CFAP47: variants seen among roughly 807,000 people sequenced by gnomAD.
CFAP47 encodes the protein cilia- and flagella-associated protein 47.
CFAP47 carries 29 observed loss-of-function variants against 148.1 expected under a neutral mutation model. The ratio of observed to expected loss-of-function variants is 0.20; its 90% confidence interval spans 0.15 to 0.27. CFAP47 has a LOEUF of 0.27. Ranked by LOEUF, CFAP47 falls within the 10% of genes least tolerant of loss-of-function variation. CFAP47 has a pLI of 1.00. For missense variants in CFAP47, 1,872 were observed against 1,697.5 expected, an observed-to-expected ratio of 1.10 and a Z score of -1.81; for synonymous variants, 664 against 577.3, an observed-to-expected ratio of 1.15 and a Z score of -2.15.
intron 49 of CFAP47, among the ~76,000 whole-genome samples, chrX:36,271,593 A>G (rs1436218028): frequency 3.6e-5 from 4 of 111,937 alleles, no homozygotes; most frequent in African/African-American, 1.3e-4. Flanking sequence ...ATGAAAATGC[A>G]TATTATGAAA....
intron 8 of CFAP47, among the ~76,000 whole-genome samples, chrX:35,962,997 TA>T (rs1419069974): frequency 2.9e-5 from 3 of 104,526 alleles, no homozygotes; most frequent in East Asian, 6.1e-4. Context: ...TATACAGCCT[TA>T]AAAAAATAAG....
chrX:36,267,860 T>G (rs1477770742), intron 49 of CFAP47, among the ~76,000 whole-genome samples: 1 of 112,483 alleles, frequency 8.9e-6, no homozygotes, highest in Admixed American at 9.3e-5. Context: ...ATATTTGGTA[T>G]TATTGGATGC....
intron 45 of CFAP47, among the ~76,000 whole-genome samples, chrX:36,215,124 G>C (rs1026482256): frequency 6.3e-5 from 7 of 111,132 alleles, no homozygotes; most frequent in African/African-American, 2.0e-4. Context: ...TCACTAGGCA[G>C]TAGGAATTCT....
At chrX:36,194,269 C>T (rs1555986932) in intron 42 of CFAP47, among the ~76,000 whole-genome samples, 1 of 111,446 alleles carries the variant, frequency 9.0e-6, no homozygotes, top group Non-Finnish European at 1.9e-5. Flanking sequence ...AAGGGACTCA[C>T]ATTCCAGTTG....
intron 21 of CFAP47, among the ~76,000 whole-genome samples, chrX:36,005,957 G>A (rs1936977793): frequency 9.1e-6 from 1 of 110,241 alleles, no homozygotes; most frequent in African/African-American, 3.3e-5. Flanking sequence ...AAACCTAAAT[G>A]TTCTGCAGTA....
intron 2 of CFAP47, among the ~76,000 whole-genome samples, chrX:35,930,356 AT>A (rs1935808586): frequency 9.0e-6 from 1 of 110,706 alleles, no homozygotes; most frequent in East Asian, 2.8e-4. Flanking sequence ...ATTAGGGATT[AT>A]TGTGTCCCAG....
intron 29 of CFAP47, among the ~76,000 whole-genome samples, chrX:36,081,136 T>C (rs993822002): frequency 8.1e-5 from 9 of 110,990 alleles, no homozygotes; most frequent in Middle Eastern, 4.2e-3. Context: ...AATATACAAA[T>C]AAGCACAATC....
chrX:36,329,690 T>G (rs1941548527), intron 57 of CFAP47, among the ~76,000 whole-genome samples: 1 of 112,056 alleles, frequency 8.9e-6, no homozygotes, highest in Non-Finnish European at 1.9e-5. Flanking sequence ...AAAAATCTAT[T>G]GCATAGTATA....
chrX:36,275,263 G>A (rs4129860), intron 49 of CFAP47, among the ~76,000 whole-genome samples: 11,618 of 108,463 alleles, frequency 0.11, 873 homozygotes, highest in African/African-American at 0.25. Flanking sequence ...TTGTAGGAAC[G>A]GGATTTTGCC....
chrX:36,261,655 A>G (rs5927474), intron 49 of CFAP47, among the ~76,000 whole-genome samples: 27 of 110,369 alleles, frequency 2.4e-4, no homozygotes, highest in Non-Finnish European at 4.7e-4. Context: ...AAGGTCATAG[A>G]TCAACAGCAT....
At chrX:36,178,073 A>T (rs1220009762) in intron 39 of CFAP47, among the ~76,000 whole-genome samples, 1 of 111,935 alleles carries the variant, frequency 8.9e-6, no homozygotes, top group African/African-American at 3.3e-5. Flanking sequence ...AAGAGAATTG[A>T]TGCAGAAACT....
At chrX:36,231,534 C>A (rs1416014768) in intron 46 of CFAP47, among the ~76,000 whole-genome samples, 1 of 110,835 alleles carries the variant, frequency 9.0e-6, no homozygotes, top group East Asian at 2.8e-4. Context: ...GGGTTTTCTA[C>A]GTATACAATC....
chrX:36,115,599 A>G (rs1219892268), intron 33 of CFAP47, among the ~76,000 whole-genome samples: 1 of 111,783 alleles, frequency 8.9e-6, no homozygotes, highest in Non-Finnish European at 1.9e-5. Flanking sequence ...GGAGGGTGGC[A>G]TGACCATTAT....
chrX:35,966,798 G>T, intron 9 of CFAP47, 44 bp downstream of exon 9: 1 of 892,152 alleles, frequency 1.1e-6, no homozygotes, highest in Non-Finnish European at 1.5e-6. Context: ...TGTTACTGTT[G>T]TTAATTTAAG....
At chrX:36,380,960 T>C (rs1942072836) in intron 63 of CFAP47, among the ~76,000 whole-genome samples, 1 of 112,267 alleles carries the variant, frequency 8.9e-6, no homozygotes, top group Admixed American at 9.5e-5. Context: ...TTAAAGATTT[T>C]ATGTGAGGGA....
At chrX:35,942,058 G>T (rs1197613911) in intron 3 of CFAP47, among the ~76,000 whole-genome samples, 1 of 109,963 alleles carries the variant, frequency 9.1e-6, no homozygotes, top group Non-Finnish European at 1.9e-5. Context: ...GTGTCTGTGT[G>T]TGTATATTCA....
At chrX:36,100,370 A>G (rs1938353481) in intron 32 of CFAP47, among the ~76,000 whole-genome samples, 1 of 112,235 alleles carries the variant, frequency 8.9e-6, no homozygotes, top group Non-Finnish European at 1.9e-5. Context: ...GTCTCTTGCT[A>G]TAAAACTATA....
At chrX:36,231,174 T>C (rs782710252) in intron 46 of CFAP47, among the ~76,000 whole-genome samples, 113 of 111,720 alleles carry the variant, frequency 1.0e-3, no homozygotes, top group African/African-American at 3.3e-3. Context: ...TTGATGGGGA[T>C]GGCATTGAAT....
intron 45 of CFAP47, among the ~76,000 whole-genome samples, chrX:36,221,890 C>CCT (rs1555990844): frequency 4.5e-5 from 5 of 111,329 alleles, no homozygotes; most frequent in Non-Finnish European, 9.4e-5. Context: ...TCTTATTAGA[C>CCT]CTCTCTCAAT....
Sources: allele counts gnomAD v4.1 joint callset (sites outside exome capture counted in the v4.1 genomes callset), GRCh38; gene constraint gnomAD v4.1.1; transcripts MANE v1.5; gene names NCBI Gene and HGNC (gene_info 2026-07-23, HGNC 2026-07-21).